The following CFAP299 variants were observed in gnomAD, a reference collection of about 807,000 sequenced individuals.
CFAP299 encodes the protein cilia and flagella associated protein 299.
Under a neutral mutation model 27.0 loss-of-function variants are expected in CFAP299, and 21 were observed. That is an observed-to-expected ratio of 0.78 (90% CI 0.55 to 1.12). CFAP299 has a LOEUF of 1.12. Ranked by LOEUF, CFAP299 falls within the 50% of genes most tolerant of loss-of-function variation. CFAP299 has a pLI of 0.00. For missense variants in CFAP299, 310 were observed against 276.6 expected (o/e 1.12, Z -0.86); for synonymous variants, 104 against 98.1 (o/e 1.06, Z -0.36).
chr4:80,730,263 T>TGC (rs1723436437), intron 3 of CFAP299, among the ~76,000 whole-genome samples: 1 of 149,232 alleles, frequency 6.7e-6, no homozygotes. Context: ...TGTGTGTGTG[T>TGC]GTGTGTGTGT....
chr4:80,869,366 C>A (rs1024792679), intron 3 of CFAP299, among the ~76,000 whole-genome samples: 6 of 152,102 alleles, frequency 3.9e-5, no homozygotes, highest in Non-Finnish European at 7.4e-5. Context: ...GCTTGAGAAT[C>A]CTTTTCAGCA....
At chr4:80,701,018 T>TAAGTAAGAAAGCATGAGGCTAA (rs1721442205) in intron 3 of CFAP299, among the ~76,000 whole-genome samples, 3 of 152,006 alleles carry the variant, frequency 2.0e-5, no homozygotes, top group Non-Finnish European at 4.4e-5. Flanking sequence ...AAGCATGAGG[T>TAAGTAAGAAAGCATGAGGCTAA]GTAAGAGGCT....
intron 3 of CFAP299, among the ~76,000 whole-genome samples, chr4:80,610,260 A>G (rs990076014): frequency 1.3e-5 from 2 of 152,070 alleles, no homozygotes; most frequent in East Asian, 3.8e-4. Context: ...TGTTCTTAGA[A>G]GACAGCACAC....
intron 3 of CFAP299, among the ~76,000 whole-genome samples, chr4:80,738,360 C>G (rs547559616): frequency 6.6e-6 from 1 of 152,086 alleles, no homozygotes; most frequent in African/African-American, 2.4e-5. Flanking sequence ...TTATTTGGGT[C>G]TGTGTCTCTC....
intron 2 of CFAP299, among the ~76,000 whole-genome samples, chr4:80,446,519 C>A (rs541673411): frequency 6.6e-6 from 1 of 152,306 alleles, no homozygotes; most frequent in South Asian, 2.1e-4. Flanking sequence ...CTATCCTCTA[C>A]TTAAGTAATC....
chr4:80,580,275 C>A (rs1446589059), intron 2 of CFAP299, among the ~76,000 whole-genome samples: 1 of 151,960 alleles, frequency 6.6e-6, no homozygotes. Flanking sequence ...GAGGTGTATT[C>A]ATTAGCTGAG....
chr4:80,638,660 A>G (rs1739573667), intron 3 of CFAP299, among the ~76,000 whole-genome samples: 1 of 152,178 alleles, frequency 6.6e-6, no homozygotes, highest in Non-Finnish European at 1.5e-5. Context: ...CTGGATTATC[A>G]CAATGATCAT....
At chr4:80,608,240 C>A in intron 3 of CFAP299, 5 of 768,462 alleles carry the variant, frequency 6.5e-6, no homozygotes, top group South Asian at 1.8e-5. Context: ...TCCAACAGTA[C>A]CAGAGGGTGG....
intron 1 of CFAP299, among the ~76,000 whole-genome samples, chr4:80,338,976 C>A (rs1268406429): frequency 1.3e-5 from 2 of 152,184 alleles, no homozygotes; most frequent in African/African-American, 4.8e-5. Flanking sequence ...AGTCATTAAT[C>A]AGGAGCTTTT....
intron 2 of CFAP299, among the ~76,000 whole-genome samples, chr4:80,561,923 C>G (rs1237202309): frequency 1.3e-5 from 2 of 151,986 alleles, no homozygotes; most frequent in African/African-American, 4.8e-5. Flanking sequence ...ATGAGCCAAT[C>G]AACAATAATA....
At chr4:80,695,879 A>G (rs975514299) in intron 3 of CFAP299, among the ~76,000 whole-genome samples, 2 of 152,034 alleles carry the variant, frequency 1.3e-5, no homozygotes, top group African/African-American at 2.4e-5. Context: ...GCTTGTCTCA[A>G]ACTCAATCAA....
At chr4:80,327,732 C>CATATAT in the CFAP299 span, among the ~76,000 whole-genome samples, 23 of 103,128 alleles carry the variant, frequency 2.2e-4, no homozygotes, top group African/African-American at 7.8e-4. Flanking sequence ...AACTTCAATA[C>CATATAT]ATATATATAT....
chr4:80,856,544 G>A (rs1483869746), intron 3 of CFAP299, among the ~76,000 whole-genome samples: 9 of 151,892 alleles, frequency 5.9e-5, no homozygotes, highest in East Asian at 5.8e-4. Context: ...TAGGTCTAAC[G>A]TTTAAGTCTT....
chr4:80,516,017 CTTTT>C (rs34249511), intron 2 of CFAP299, among the ~76,000 whole-genome samples: 2 of 119,522 alleles, frequency 1.7e-5, no homozygotes, highest in Admixed American at 8.4e-5. Flanking sequence ...TTCTGCATTT[CTTTT>C]TTTTTTTTTT....
chr4:80,470,790 T>C (rs1167762653), intron 2 of CFAP299, among the ~76,000 whole-genome samples: 2 of 152,156 alleles, frequency 1.3e-5, no homozygotes, highest in Non-Finnish European at 2.9e-5. Context: ...AGAGAGATCT[T>C]CAAAACTGAG....
chr4:80,856,236 C>T (rs1382599386), intron 3 of CFAP299, among the ~76,000 whole-genome samples: 1 of 147,724 alleles, frequency 6.8e-6, no homozygotes, highest in Non-Finnish European at 1.5e-5. Flanking sequence ...TGTCTTTCGC[C>T]CACTTTTTGA....
chr4:80,711,245 G>A (rs78717233), intron 3 of CFAP299, among the ~76,000 whole-genome samples: 8,819 of 152,244 alleles, frequency 0.058, 390 homozygotes, highest in East Asian at 0.23. Flanking sequence ...TCAGTTGTGT[G>A]TGGGAGCTGC....
At chr4:80,910,373 G>A (rs369819259) in intron 4 of CFAP299, among the ~76,000 whole-genome samples, 7 of 152,014 alleles carry the variant, frequency 4.6e-5, no homozygotes, top group Admixed American at 2.0e-4. Flanking sequence ...ATAAAGACAC[G>A]TGCATGAATG....
rs192431689 is a variant in CFAP299, at chr4:80,465,106, C to A, written c.242+102222C>A. Among the ~76,000 whole-genome samples the A allele has an allele frequency of 2.7e-3, 408 of 152,092 alleles. 1 individual carries two copies. Among genetic ancestry groups the A allele is most frequent in the Non-Finnish European group, 4.4e-3 (301 of 67,978 alleles). Reference sequence around the variant, plus strand: ...TAGAATATAATTCTTCTGTGTGGAACCTATTAAATAATCCCAGTTGTTTTT... The same window carrying A: ...TAGAATATAATTCTTCTGTGTGGAAACTATTAAATAATCCCAGTTGTTTTT... On this transcript the variant is annotated intron_variant, in intron 2 of 5. Transcript: ENST00000358105.
Sources: gnomAD v4.1 joint callset for allele counts (sites outside exome capture counted in the v4.1 genomes callset) on GRCh38, gnomAD v4.1.1 for gene constraint, MANE v1.5 for transcripts, NCBI Gene and HGNC (gene_info 2026-07-23, HGNC 2026-07-21) for gene names.